RIMS1: variants seen among roughly 807,000 people sequenced by gnomAD.
The protein encoded by RIMS1 is regulating synaptic membrane exocytosis 1.
Under a neutral mutation model 214.1 loss-of-function variants are expected in RIMS1, and 83 were observed. The ratio of observed to expected loss-of-function variants is 0.39; its 90% confidence interval spans 0.32 to 0.47. The LOEUF (loss-of-function observed/expected upper bound fraction) is 0.47, where lower values mean the gene tolerates loss of function less well. Ranked by LOEUF, RIMS1 falls within the 20% of genes least tolerant of loss-of-function variation. The pLI, the probability that RIMS1 is intolerant of heterozygous loss-of-function variation, is 0.99. For missense variants in RIMS1, 2,050 were observed against 2,161.8 expected (o/e 0.95, Z 1.03); for synonymous variants, 793 against 786.8 (o/e 1.01, Z -0.13).
chr6:72,007,161 T>C (rs1438406743), intron 2 of RIMS1, among the ~76,000 whole-genome samples: 1 of 152,174 alleles, frequency 6.6e-6, no homozygotes, highest in Non-Finnish European at 1.5e-5. Context: ...ACATTTACTG[T>C]TCACTGATAT....
intron 4 of RIMS1, among the ~76,000 whole-genome samples, chr6:72,131,355 G>A (rs779960744): frequency 2.6e-5 from 4 of 152,140 alleles, no homozygotes; most frequent in Non-Finnish European, 5.9e-5. Flanking sequence ...CGATAGTCAC[G>A]TAGGTTCTTT....
intron 6 of RIMS1, chr6:72,216,745 T>G: frequency 3.0e-6 from 3 of 986,254 alleles, no homozygotes; most frequent in Non-Finnish European, 3.6e-6. Flanking sequence ...AACATTTGCC[T>G]GAGTCTTTTC....
chr6:71,914,190 C>T (rs1016999646), intron 1 of RIMS1, among the ~76,000 whole-genome samples: 8 of 152,100 alleles, frequency 5.3e-5, no homozygotes, highest in African/African-American at 1.9e-4. Flanking sequence ...CCAGGGTTTG[C>T]CATGTACCAG....
chr6:72,272,824 G>A (rs1418414188), intron 22 of RIMS1, among the ~76,000 whole-genome samples: 4 of 152,080 alleles, frequency 2.6e-5, no homozygotes, highest in East Asian at 3.9e-4. Context: ...AAATGCTGTC[G>A]TCGTAATTCT....
At chr6:72,320,585 A>G (rs1272794072) in intron 28 of RIMS1, among the ~76,000 whole-genome samples, 1 of 152,068 alleles carries the variant, frequency 6.6e-6, no homozygotes, top group African/African-American at 2.4e-5. Context: ...TGTATAGTGA[A>G]ACTTCAGTAT....
intron 4 of RIMS1, among the ~76,000 whole-genome samples, chr6:72,175,534 G>A (rs958291326): frequency 4.6e-5 from 7 of 152,116 alleles, no homozygotes; most frequent in African/African-American, 1.4e-4. Flanking sequence ...TTAGCTGGGC[G>A]TGGGGGCAGG....
chr6:72,170,537 G>T (rs1262706565), intron 4 of RIMS1, among the ~76,000 whole-genome samples: 1 of 151,936 alleles, frequency 6.6e-6, no homozygotes, highest in East Asian at 1.9e-4. Flanking sequence ...TAGAGATAGG[G>T]TTTCACTATG....
At chr6:72,396,964 G>A (rs1255902528) in intron 31 of RIMS1, among the ~76,000 whole-genome samples, 4 of 152,126 alleles carry the variant, frequency 2.6e-5, no homozygotes, top group Non-Finnish European at 5.9e-5. Flanking sequence ...AGTGAGCCAA[G>A]ATCACACCAC....
chr6:72,221,617 G>A (rs116449188), intron 6 of RIMS1, among the ~76,000 whole-genome samples: 2,908 of 152,046 alleles, frequency 0.019, 121 homozygotes, highest in African/African-American at 0.067. Flanking sequence ...TTATGGTCTT[G>A]CCAGTTAAAA....
chr6:72,395,615 A>G (rs1436164403), intron 31 of RIMS1, among the ~76,000 whole-genome samples: 1 of 152,066 alleles, frequency 6.6e-6, no homozygotes, highest in Non-Finnish European at 1.5e-5. Context: ...ACATAAAATA[A>G]TGGAAAATAT....
intron 2 of RIMS1, among the ~76,000 whole-genome samples, chr6:72,036,658 C>A (rs974266685): frequency 6.7e-6 from 1 of 149,246 alleles, no homozygotes; most frequent in Non-Finnish European, 1.5e-5. Context: ...TTAGCAGCAA[C>A]CACATATTTA....
chr6:72,015,047 AT>A (rs910041860), intron 2 of RIMS1, among the ~76,000 whole-genome samples: 6 of 151,368 alleles, frequency 4.0e-5, no homozygotes, highest in South Asian at 2.1e-4. Flanking sequence ...TGCATTTTGC[AT>A]TTTTTTTTAT....
chr6:72,195,857 A>G (rs1362821915), intron 6 of RIMS1, among the ~76,000 whole-genome samples: 1 of 152,162 alleles, frequency 6.6e-6, no homozygotes, highest in Non-Finnish European at 1.5e-5. Flanking sequence ...CAAGAAACTT[A>G]GAATCATGAT....
At chr6:72,388,544 T>G (rs930762973) in intron 29 of RIMS1, among the ~76,000 whole-genome samples, 1 of 152,174 alleles carries the variant, frequency 6.6e-6, no homozygotes, top group African/African-American at 2.4e-5. Flanking sequence ...TCACCATGGC[T>G]GTTATGTCAA....
At chr6:71,980,220 G>T (rs1309383939) in intron 2 of RIMS1, among the ~76,000 whole-genome samples, 2 of 152,028 alleles carry the variant, frequency 1.3e-5, no homozygotes, top group Non-Finnish European at 2.9e-5. Flanking sequence ...TGGCAACTGA[G>T]ATCGGTACCC....
At chr6:71,960,706 T>C (rs1381704219) in intron 1 of RIMS1, among the ~76,000 whole-genome samples, 1 of 152,094 alleles carries the variant, frequency 6.6e-6, no homozygotes, top group African/African-American at 2.4e-5. Flanking sequence ...TTAAAAAAAC[T>C]CACTCTAAAT....
chr6:72,080,969 A>G (rs1231749847), intron 2 of RIMS1, among the ~76,000 whole-genome samples: 2 of 152,212 alleles, frequency 1.3e-5, no homozygotes, highest in African/African-American at 4.8e-5. Context: ...GCTAAGTTTA[A>G]CCCTAAGAAG....
chr6:71,921,476 C>A (rs906857359), intron 1 of RIMS1, among the ~76,000 whole-genome samples: 2 of 152,182 alleles, frequency 1.3e-5, no homozygotes, highest in African/African-American at 4.8e-5. Context: ...CTCCCATTTT[C>A]CAATGCAAGT....
chr6:72,204,452 C>T (rs975650661), intron 6 of RIMS1, among the ~76,000 whole-genome samples: 1 of 152,186 alleles, frequency 6.6e-6, no homozygotes, highest in Non-Finnish European at 1.5e-5. Flanking sequence ...TTCTTCCTGA[C>T]TGATTAGCAT....
Sources: gnomAD v4.1 joint callset for allele counts (sites outside exome capture counted in the v4.1 genomes callset) on GRCh38, gnomAD v4.1.1 for gene constraint, MANE v1.5 for transcripts, NCBI Gene and HGNC (gene_info 2026-07-23, HGNC 2026-07-21) for gene names.